Variants in NEXMIF observed in about 807,000 individuals in gnomAD.
NEXMIF encodes neurite extension and migration factor.
NEXMIF carries 8 observed loss-of-function variants against 62.1 expected under a neutral mutation model. The ratio of observed to expected loss-of-function variants is 0.13; its 90% CI spans 0.08 to 0.23. The LOEUF is 0.23. Ranked by LOEUF, NEXMIF falls within the 10% of genes least tolerant of loss-of-function variation. The pLI, the probability that NEXMIF is intolerant of heterozygous loss-of-function variation, is 1.00. For missense variants in NEXMIF, 976 were observed against 1,113.3 expected, an observed-to-expected ratio of 0.88 and a Z score of 1.75; for synonymous variants, 404 against 416.6, an observed-to-expected ratio of 0.97 and a Z score of 0.37.
chrX:74,774,859 T>C (rs1481182115), intron 1 of NEXMIF, among the ~76,000 whole-genome samples: 4 of 111,504 alleles, frequency 3.6e-5, no homozygotes, highest in Non-Finnish European at 5.6e-5. Context: ...TCTGCCATTA[T>C]GGGGTGAGGA....
intron 1 of NEXMIF, among the ~76,000 whole-genome samples, chrX:74,916,898 ATC>A (rs1433493326): frequency 2.7e-5 from 3 of 111,625 alleles, no homozygotes; most frequent in African/African-American, 9.8e-5. Context: ...TTATTCTTTT[ATC>A]TGTCCCCAAT....
rs1307970750 is a variant in NEXMIF, at chrX:74,742,908, C to T, written c.1649G>A (p.Gly550Asp). 1 of 1,210,981 alleles carries T rather than the reference C, an allele frequency of 8.3e-7. No homozygotes were observed. Among genetic ancestry groups the T allele is most frequent in the Non-Finnish European group, 1.1e-6 (1 of 895,180 alleles). Reference sequence around the variant, plus strand: ...CAACTTCACCAGCATGTTCTTCTCACCTTTAAAGCGATTAATGATGATATA... The same window carrying T: ...CAACTTCACCAGCATGTTCTTCTCATCTTTAAAGCGATTAATGATGATATA... ...IKYIIINRFKGEKNMLVKLGK... is the reference protein window; with the variant it reads ...IKYIIINRFKDEKNMLVKLGK... Residue 550 changes from glycine (G) to aspartate (D), a missense_variant, in exon 3 of 4, where the codon GGT becomes GAT. Transcript: ENST00000055682.
Position 74,738,577 on chromosome X carries a change from A to G in NEXMIF, c.*828T>C. Reference sequence around the variant, plus strand: ...TAAAGTATCAGCAATATAACTTTGCACTTTAAATAATTTTCAGCTACAGAT... The same window carrying G: ...TAAAGTATCAGCAATATAACTTTGCGCTTTAAATAATTTTCAGCTACAGAT... On this transcript the variant is annotated 3_prime_UTR_variant, in exon 4 of 4. Coordinates refer to ENST00000055682, the MANE Select transcript of NEXMIF (RefSeq NM_001008537.3). 1 of 111,714 alleles carries G rather than the reference A, an allele frequency of 9.0e-6. No individual in the cohort carries two copies. The highest frequency in any genetic ancestry group is 9.6e-5 in the Admixed American group (1 of 10,414). 9.2% of individuals were successfully genotyped at this position (111,714 alleles called of 1,213,427 possible). A position where few individuals can be genotyped will look rare whatever the true frequency, so the allele number is the denominator to read the frequency against.
At chrX:74,825,332 A>G (rs941232794) in intron 1 of NEXMIF, among the ~76,000 whole-genome samples, 3 of 111,386 alleles carry the variant, frequency 2.7e-5, no homozygotes, top group Non-Finnish European at 3.8e-5. Context: ...TTCATCACCC[A>G]GGTATTGAAC....
chrX:74,796,190 T>G (rs753794977), intron 1 of NEXMIF, among the ~76,000 whole-genome samples: 1 of 56,687 alleles, frequency 1.8e-5, no homozygotes, highest in South Asian at 6.7e-4. Context: ...TACATATATA[T>G]TATATATATA....
At chrX:74,915,165 G>A (rs1271285600) in intron 1 of NEXMIF, among the ~76,000 whole-genome samples, 1 of 111,663 alleles carries the variant, frequency 9.0e-6, no homozygotes, top group Non-Finnish European at 1.9e-5. Flanking sequence ...GGCTGGGCAC[G>A]CTGGCTTACA....
intron 1 of NEXMIF, among the ~76,000 whole-genome samples, chrX:74,814,262 A>T (rs2080369160): frequency 8.9e-6 from 1 of 111,883 alleles, no homozygotes. Context: ...GCCATGAATC[A>T]GTTAGATCCT....
At chrX:74,895,571 T>C (rs780849424) in intron 1 of NEXMIF, among the ~76,000 whole-genome samples, 2 of 111,792 alleles carry the variant, frequency 1.8e-5, no homozygotes, top group South Asian at 7.4e-4. Context: ...TACAGAGGTA[T>C]AGTAACTAAA....
chrX:74,872,678 T>A (rs2080607160), intron 1 of NEXMIF, among the ~76,000 whole-genome samples: 1 of 109,959 alleles, frequency 9.1e-6, no homozygotes, highest in African/African-American at 3.3e-5. Flanking sequence ...TAAAACAGTA[T>A]AATTAAATTA....
chrX:74,762,073 C>A (rs145229641), intron 1 of NEXMIF, among the ~76,000 whole-genome samples: 1 of 109,733 alleles, frequency 9.1e-6, no homozygotes, highest in African/African-American at 3.3e-5. Flanking sequence ...ATTAACTCCT[C>A]GCCATTTACA....
At chrX:74,918,370 G>A (rs1369616802) in intron 1 of NEXMIF, among the ~76,000 whole-genome samples, 2 of 111,883 alleles carry the variant, frequency 1.8e-5, no homozygotes. Flanking sequence ...TTCAGGATGT[G>A]TTCCAGTTAT....
intron 1 of NEXMIF, among the ~76,000 whole-genome samples, chrX:74,920,402 C>A (rs2080822623): frequency 8.9e-6 from 1 of 112,159 alleles, no homozygotes; most frequent in African/African-American, 3.2e-5. Flanking sequence ...TTTCATGTGT[C>A]TTCTGGCTGC....
At chrX:74,804,921 C>T (rs1215439536) in intron 1 of NEXMIF, among the ~76,000 whole-genome samples, 1 of 112,004 alleles carries the variant, frequency 8.9e-6, no homozygotes, top group Non-Finnish European at 1.9e-5. Context: ...AAGTTCCAAC[C>T]ACTAGATGTG....
chrX:74,876,274 G>A (rs1399910114), intron 1 of NEXMIF, among the ~76,000 whole-genome samples: 1 of 111,366 alleles, frequency 9.0e-6, no homozygotes, highest in Non-Finnish European at 1.9e-5. Flanking sequence ...GGAGCAGGTT[G>A]CTCAGTTTCA....
chrX:74,817,049 C>A (rs2080378298), intron 1 of NEXMIF, among the ~76,000 whole-genome samples: 1 of 111,749 alleles, frequency 8.9e-6, no homozygotes, highest in African/African-American at 3.3e-5. Flanking sequence ...TTCGTTTGCA[C>A]TATTAGAATA....
chrX:74,868,441 C>G (rs945554021), intron 1 of NEXMIF, among the ~76,000 whole-genome samples: 3 of 111,541 alleles, frequency 2.7e-5, no homozygotes, highest in African/African-American at 9.8e-5. Context: ...GAATACTATG[C>G]AGGCATAAAA....
At chrX:74,791,516 CT>C (rs1008707737) in intron 1 of NEXMIF, among the ~76,000 whole-genome samples, 1 of 111,476 alleles carries the variant, frequency 9.0e-6, no homozygotes, top group Admixed American at 9.5e-5. Context: ...AGGATTCCCT[CT>C]TTTTCTATTG....
At chrX:74,765,284 T>A (rs1413844695) in intron 1 of NEXMIF, among the ~76,000 whole-genome samples, 4 of 112,150 alleles carry the variant, frequency 3.6e-5, no homozygotes, top group African/African-American at 1.3e-4. Context: ...CTTGGTAGAT[T>A]TTCCTTCATC....
intron 1 of NEXMIF, among the ~76,000 whole-genome samples, chrX:74,864,542 G>T (rs987553597): frequency 9.0e-6 from 1 of 111,432 alleles, no homozygotes; most frequent in African/African-American, 3.3e-5. Context: ...GGATCTGATG[G>T]TTTTATAAAG....
Sources: allele counts gnomAD v4.1 joint callset (sites outside exome capture counted in the v4.1 genomes callset), GRCh38; gene constraint gnomAD v4.1.1; transcripts MANE v1.5; gene names NCBI Gene and HGNC (gene_info 2026-07-23, HGNC 2026-07-21).